The following TRAPPC9 variants were observed in gnomAD, a reference collection of about 807,000 sequenced individuals.
TRAPPC9 encodes the protein IKK2 binding protein.
Under a neutral mutation model 124.0 loss-of-function variants are expected in TRAPPC9, and 83 were observed. That is an observed-to-expected ratio of 0.67 (90% CI 0.56 to 0.80). The LOEUF (loss-of-function observed/expected upper bound fraction) is 0.80. Among genes scored for constraint, TRAPPC9 ranks in the 30% least tolerant of loss-of-function variants. The pLI is 0.00. For missense variants in TRAPPC9, 1,302 were observed against 1,508.3 expected (o/e 0.86, Z 2.27); for synonymous variants, 638 against 617.5 (o/e 1.03, Z -0.49).
intron 17 of TRAPPC9, among the ~76,000 whole-genome samples, chr8:140,192,283 C>T (rs753636544): frequency 3.9e-5 from 6 of 152,218 alleles, no homozygotes; most frequent in Admixed American, 6.5e-5. Flanking sequence ...GAGTGGCACA[C>T]GTGTATTTCA....
At chr8:140,179,993 A>ATTTTTTTTTTTTTTTTTTTTTTTTTTT (rs71520259) in intron 17 of TRAPPC9, among the ~76,000 whole-genome samples, 4 of 90,032 alleles carry the variant, frequency 4.4e-5, no homozygotes, top group Non-Finnish European at 8.1e-5. Context: ...TTATATCTTG[A>ATTTTTTTTTTTTTTTTTTTTTTTTTTT]TTTTTTTTTT....
At chr8:140,439,014 C>T in intron 3 of TRAPPC9, 38 bp downstream of exon 3, 1 of 1,613,604 alleles carries the variant, frequency 6.2e-7, no homozygotes, top group South Asian at 1.1e-5. Flanking sequence ...ACAGTTGAAA[C>T]AATTACATAT....
chr8:140,004,444 G>C lies in TRAPPC9; in HGVS notation c.2700-15608C>G, dbSNP rs187630233. Among the ~76,000 whole-genome samples the C allele has an allele frequency of 1.2e-3, 177 of 152,262 alleles. 1 individual carries two copies. The highest frequency in any genetic ancestry group is 4.1e-3 in the African/African-American group (170 of 41,544). On this transcript the variant is annotated intron_variant, in intron 18 of 22. Transcript: ENST00000438773. ...GTGCATTAAGTTTACTCCAATACTG[G>C]TCTTGTTGCTTAATGGCTATAACAT...
At chr8:140,049,047 C>T (rs1841805761) in intron 17 of TRAPPC9, among the ~76,000 whole-genome samples, 1 of 152,196 alleles carries the variant, frequency 6.6e-6, no homozygotes, top group Non-Finnish European at 1.5e-5. Flanking sequence ...CCAAGGCACA[C>T]AGCACACCAG....
At chr8:139,771,287 ACGGTGC>A (rs1321802098) in intron 21 of TRAPPC9, among the ~76,000 whole-genome samples, 1 of 152,086 alleles carries the variant, frequency 6.6e-6, no homozygotes, top group Non-Finnish European at 1.5e-5. Context: ...ATCTCAGAGA[ACGGTGC>A]CGCCCAGCAC....
chr8:140,309,078 G>C (rs73714858), intron 10 of TRAPPC9, among the ~76,000 whole-genome samples: 3 of 152,062 alleles, frequency 2.0e-5, no homozygotes, highest in African/African-American at 7.3e-5. Flanking sequence ...TTGCCCAAAC[G>C]GTAGACTGTT....
At chr8:139,816,224 C>T (rs909034994) in intron 21 of TRAPPC9, among the ~76,000 whole-genome samples, 8 of 152,192 alleles carry the variant, frequency 5.3e-5, no homozygotes, top group South Asian at 4.2e-4. Context: ...TCAGGCAAAG[C>T]GGGGCCTGGG....
intron 9 of TRAPPC9, among the ~76,000 whole-genome samples, chr8:140,358,379 G>T (rs2067819073): frequency 6.6e-6 from 1 of 152,094 alleles, no homozygotes; most frequent in Non-Finnish European, 1.5e-5. Flanking sequence ...CTAATTTTTT[G>T]TATTTTTAGT....
chr8:140,021,890 T>G (rs1839855725), intron 18 of TRAPPC9, among the ~76,000 whole-genome samples: 1 of 152,200 alleles, frequency 6.6e-6, no homozygotes, highest in African/African-American at 2.4e-5. Context: ...CATCTTCATT[T>G]AAGAGAGAGA....
At chr8:140,191,683 A>C (rs2062495214) in intron 17 of TRAPPC9, among the ~76,000 whole-genome samples, 1 of 152,180 alleles carries the variant, frequency 6.6e-6, no homozygotes, top group Non-Finnish European at 1.5e-5. Flanking sequence ...TGAGGCAATT[A>C]AACCTCTTTT....
Position 140,379,177 on chromosome 8 carries a change from G to A in TRAPPC9, c.1135-7997C>T, listed in dbSNP as rs533503996. Among the ~76,000 whole-genome samples, 61 of 151,804 alleles carry A rather than the reference G, an allele frequency of 4.0e-4. No homozygotes were observed. In the South Asian group the frequency reaches 8.9e-3, roughly 22 times the overall value. ...GTAACTGGGGCCACAGGGCCTGCCC[G>A]GTGCTGGTTTTTACCAGGGCAGCCT... On this transcript the variant is annotated intron_variant, in intron 7 of 22. Transcript: ENST00000438773.
rs574235886 is a variant in TRAPPC9, at chr8:140,393,032, T to TTTTTTTTTATTTTATTTTATTTTATTTTA, written c.1134+4587_1134+4588insTAAAATAAAATAAAATAAAATAAAAAAAA. Among the ~76,000 whole-genome samples the TTTTTTTTTATTTTATTTTATTTTATTTTA allele has an allele frequency of 3.4e-3, 474 of 138,074 alleles. 4 individuals carry two copies. Among genetic ancestry groups the TTTTTTTTTATTTTATTTTATTTTATTTTA allele is most frequent in the Middle Eastern group, 7.8e-3 (2 of 258 alleles). The allele number at this position is 138,074 out of a possible 152,430, so 90.6% of individuals were successfully genotyped here. A position where few individuals can be genotyped will look rare whatever the true frequency, so the allele number is the denominator to read the frequency against. ...AGTGAATATTATCATTCCCATTTTA[T>TTTTTTTTTATTTTATTTTATTTTATTTTA]TTTTATTTTATTTTATTTTATTTTA... On this transcript the variant is annotated intron_variant, in intron 7 of 22. Coordinates refer to ENST00000438773, the MANE Select transcript of TRAPPC9 (RefSeq NM_001160372.4).
intron 15 of TRAPPC9, 140 bp from the exon 16 acceptor site, chr8:140,253,069 A>G (rs2064166001): frequency 1.1e-6 from 1 of 871,688 alleles, no homozygotes; most frequent in Non-Finnish European, 1.8e-6. Flanking sequence ...TCAAAGTGAC[A>G]AGAACATTCC....
intron 21 of TRAPPC9, among the ~76,000 whole-genome samples, chr8:139,803,058 C>T (rs529197451): frequency 1.3e-5 from 2 of 151,076 alleles, no homozygotes; most frequent in Non-Finnish European, 2.9e-5. Flanking sequence ...GTCTGTGTGC[C>T]GTCGTGTGAC....
intron 9 of TRAPPC9, among the ~76,000 whole-genome samples, chr8:140,351,457 T>C (rs1210030860): frequency 1.3e-5 from 2 of 151,914 alleles, no homozygotes; most frequent in Non-Finnish European, 2.9e-5. Flanking sequence ...GTGTTACAAG[T>C]AATCTAGAGA....
chr8:140,447,561 A>G (rs1319397709), intron 2 of TRAPPC9, among the ~76,000 whole-genome samples: 2 of 152,184 alleles, frequency 1.3e-5, no homozygotes, highest in Non-Finnish European at 2.9e-5. Flanking sequence ...TAACTACAAC[A>G]CTACATGGAC....
intron 21 of TRAPPC9, among the ~76,000 whole-genome samples, chr8:139,790,248 C>CAGG (rs919305045): frequency 2.0e-5 from 3 of 152,236 alleles, no homozygotes; most frequent in African/African-American, 7.2e-5. Context: ...CCTGTTTGAA[C>CAGG]AGGAACTCAA....
chr8:140,250,373 G>A (rs6992126), intron 16 of TRAPPC9, among the ~76,000 whole-genome samples: 32,788 of 152,094 alleles, frequency 0.22, 3,808 homozygotes, highest in African/African-American at 0.29. Flanking sequence ...TTTTTTAAGC[G>A]TCATTTAACT....
intron 19 of TRAPPC9, among the ~76,000 whole-genome samples, chr8:139,981,276 C>T (rs1344815127): frequency 5.3e-5 from 8 of 152,212 alleles, no homozygotes; most frequent in Non-Finnish European, 8.8e-5. Flanking sequence ...GCCTCTGCCA[C>T]GGGCTCACTA....
Sources: allele counts gnomAD v4.1 joint callset (sites outside exome capture counted in the v4.1 genomes callset), GRCh38; gene constraint gnomAD v4.1.1; transcripts MANE v1.5; gene names NCBI Gene and HGNC (gene_info 2026-07-23, HGNC 2026-07-21).